TNIK: variants seen among roughly 807,000 people sequenced by gnomAD.
TNIK encodes the protein TRAF2 and NCK-interacting protein kinase.
Under a neutral mutation model 191.3 loss-of-function variants are expected in TNIK, and 49 were observed. The observed-to-expected ratio is 0.26, with a 90% CI of 0.20 to 0.32. TNIK has a LOEUF of 0.32. Among genes scored for constraint, TNIK ranks in the 10% least tolerant of loss-of-function variants. TNIK has a pLI of 1.00. For synonymous variants in TNIK, 594 were observed against 600.9 expected, an observed-to-expected ratio of 0.99 and a Z score of 0.17; for missense variants, 1,155 against 1,702.3, an observed-to-expected ratio of 0.68 and a Z score of 5.66.
At chr3:171,342,477 T>C (rs1757637467) in intron 2 of TNIK, among the ~76,000 whole-genome samples, 1 of 151,994 alleles carries the variant, frequency 6.6e-6, no homozygotes, top group South Asian at 2.1e-4. Context: ...AAGCACCTTA[T>C]GGTACCAGAA....
At chr3:171,068,747 A>G (rs1718787951) in intron 30 of TNIK, 101 bp downstream of exon 30, 31 of 1,211,920 alleles carry the variant, frequency 2.6e-5, no homozygotes, top group Non-Finnish European at 2.7e-5. Context: ...GCTGGTTAGT[A>G]AAGTGTGCAT....
chr3:171,309,784 CA>C (rs1490198894), intron 2 of TNIK, among the ~76,000 whole-genome samples: 1 of 152,094 alleles, frequency 6.6e-6, no homozygotes, highest in Non-Finnish European at 1.5e-5. Context: ...TGGTGTCACA[CA>C]AGCAGCTGGG....
At chr3:171,243,138 G>A (rs1398825785) in intron 2 of TNIK, among the ~76,000 whole-genome samples, 1 of 152,152 alleles carries the variant, frequency 6.6e-6, no homozygotes, top group Non-Finnish European at 1.5e-5. Context: ...TTCCAGAACT[G>A]AAATGCAAAC....
At chr3:171,066,083 A>T in intron 32 of TNIK, 104 bp downstream of exon 32, 1 of 1,434,588 alleles carries the variant, frequency 7.0e-7, no homozygotes, top group Non-Finnish European at 9.5e-7. Context: ...TGATTGTTTA[A>T]CACAGATGTG....
chr3:171,323,199 C>G (rs143433213), intron 2 of TNIK, among the ~76,000 whole-genome samples: 1 of 152,268 alleles, frequency 6.6e-6, no homozygotes, highest in East Asian at 1.9e-4. Flanking sequence ...TTGCCAATAT[C>G]TGTTTTAGCA....
chr3:171,407,923 A>C (rs1484415154), intron 1 of TNIK, among the ~76,000 whole-genome samples: 8 of 152,178 alleles, frequency 5.3e-5, no homozygotes, highest in Admixed American at 3.3e-4. Context: ...TTCAGCAATC[A>C]TGGTTCTGAG....
At chr3:171,247,703 A>T (rs148162821) in intron 2 of TNIK, among the ~76,000 whole-genome samples, 3 of 152,212 alleles carry the variant, frequency 2.0e-5, no homozygotes, top group African/African-American at 7.2e-5. Context: ...CAAATCAAGG[A>T]AAGAGAAAGT....
At chr3:171,139,353 A>T in intron 14 of TNIK, 117 bp downstream of exon 14, 1 of 892,492 alleles carries the variant, frequency 1.1e-6, no homozygotes, top group Non-Finnish European at 1.8e-6. Context: ...CTGGACTGGT[A>T]TGTTAGAAGG....
intron 9 of TNIK, among the ~76,000 whole-genome samples, chr3:171,169,064 T>G (rs1181599488): frequency 1.3e-5 from 2 of 152,030 alleles, no homozygotes; most frequent in Non-Finnish European, 2.9e-5. Context: ...TAAAGGACAC[T>G]CCTAAGGAAT....
At chr3:171,402,455 G>C (rs1396980651) in intron 1 of TNIK, among the ~76,000 whole-genome samples, 1 of 152,184 alleles carries the variant, frequency 6.6e-6, no homozygotes, top group African/African-American at 2.4e-5. Context: ...CTCGAATTTG[G>C]CTGTGAACCA....
intron 10 of TNIK, among the ~76,000 whole-genome samples, chr3:171,165,498 TA>T (rs1734505799): frequency 6.6e-6 from 1 of 151,794 alleles, no homozygotes; most frequent in South Asian, 2.1e-4. Flanking sequence ...CTGCTGATCT[TA>T]CCTCTCCAAT....
intron 26 of TNIK, among the ~76,000 whole-genome samples, chr3:171,083,609 A>C (rs1720955773): frequency 6.6e-6 from 1 of 152,216 alleles, no homozygotes; most frequent in South Asian, 2.1e-4. Context: ...ACTAAAAGGG[A>C]AAGTTCATTA....
chr3:171,205,769 C>A (rs1262097433), intron 4 of TNIK, among the ~76,000 whole-genome samples: 1 of 152,146 alleles, frequency 6.6e-6, no homozygotes, highest in Non-Finnish European at 1.5e-5. Context: ...GAGTAAAAGC[C>A]GAGGTCTTTC....
chr3:171,352,383 T>C (rs1222506816), intron 2 of TNIK, among the ~76,000 whole-genome samples: 1 of 152,224 alleles, frequency 6.6e-6, no homozygotes, highest in Non-Finnish European at 1.5e-5. Context: ...CATTATTCCA[T>C]ACATAACTTT....
Position 171,409,162 on chromosome 3 carries a change from A to G in TNIK, c.58-39477T>C, listed in dbSNP as rs146268002. Among the ~76,000 whole-genome samples the G allele has an allele frequency of 2.8e-3, 420 of 152,338 alleles. 1 individual carries two copies. Among genetic ancestry groups the G allele is most frequent in the Middle Eastern group, 0.02 (6 of 294 alleles). On this transcript the variant is annotated intron_variant, in intron 1 of 32. Coordinates refer to ENST00000436636, the MANE Select transcript of TNIK (RefSeq NM_015028.4). ...TGAGAAAACCAGAATTGGAAATGCT[A>G]AAGACAAATATTAGCAACAAGCAAC...
chr3:171,272,555 A>G (rs1749241823), intron 2 of TNIK, among the ~76,000 whole-genome samples: 1 of 152,026 alleles, frequency 6.6e-6, no homozygotes, highest in Non-Finnish European at 1.5e-5. Context: ...TTCTCCTCTG[A>G]CTGTACATTT....
intron 4 of TNIK, among the ~76,000 whole-genome samples, chr3:171,195,106 T>C (rs922204735): frequency 2.6e-5 from 4 of 152,238 alleles, no homozygotes; most frequent in African/African-American, 9.6e-5. Flanking sequence ...GAACTATCTG[T>C]TTTTAATTAA....
chr3:171,383,812 G>A (rs886715004), intron 1 of TNIK, among the ~76,000 whole-genome samples: 1 of 149,244 alleles, frequency 6.7e-6, no homozygotes, highest in Non-Finnish European at 1.5e-5. Flanking sequence ...GTGCAACATG[G>A]GCAACAGATG....
intron 6 of TNIK, among the ~76,000 whole-genome samples, chr3:171,190,239 G>T (rs1737875444): frequency 1.3e-5 from 2 of 152,164 alleles, no homozygotes; most frequent in Admixed American, 6.5e-5. Context: ...TATCCACTTT[G>T]CACGGGAGCC....
Sources: allele counts gnomAD v4.1 joint callset (sites outside exome capture counted in the v4.1 genomes callset), GRCh38; gene constraint gnomAD v4.1.1; transcripts MANE v1.5; gene names NCBI Gene and HGNC (gene_info 2026-07-23, HGNC 2026-07-21).